The following MRTFA variants were observed in gnomAD, a reference collection of about 807,000 sequenced individuals.
The protein encoded by MRTFA is myocardin related transcription factor A, also known as myocardin-related transcription factor A.
MRTFA carries 20 observed loss-of-function variants against 83.5 expected under a neutral mutation model. The ratio of observed to expected loss-of-function variants is 0.24; its 90% confidence interval spans 0.17 to 0.35. The LOEUF is 0.35. Among genes scored for constraint, MRTFA ranks in the 10% least tolerant of loss-of-function variants. The pLI, the probability that MRTFA is intolerant of heterozygous loss-of-function variation, is 1.00. For missense variants in MRTFA, 1,200 were observed against 1,224.7 expected, an observed-to-expected ratio of 0.98 and a Z score of 0.30; for synonymous variants, 659 against 541.2, an observed-to-expected ratio of 1.22 and a Z score of -3.02.
intron 3 of MRTFA, among the ~76,000 whole-genome samples, chr22:40,541,978 A>C (rs554110772): frequency 6.6e-6 from 1 of 151,194 alleles, no homozygotes; most frequent in South Asian, 2.1e-4. Context: ...GGTGATGGCT[A>C]TATTTTAAGC....
chr22:40,504,491 A>C (rs1602351136), intron 3 of MRTFA, among the ~76,000 whole-genome samples: 1 of 152,226 alleles, frequency 6.6e-6, no homozygotes, highest in South Asian at 2.1e-4. Flanking sequence ...TTCTGTTAGG[A>C]AACAGTACCT....
At chr22:40,454,133 C>A (rs960948715) in intron 4 of MRTFA, among the ~76,000 whole-genome samples, 1 of 152,096 alleles carries the variant, frequency 6.6e-6, no homozygotes, top group African/African-American at 2.4e-5. Flanking sequence ...AGTTCCTATT[C>A]CTTTTGGGTG....
chr22:40,562,864 C>G (rs1463778210), intron 2 of MRTFA, among the ~76,000 whole-genome samples: 1 of 152,066 alleles, frequency 6.6e-6, no homozygotes, highest in Non-Finnish European at 1.5e-5. Context: ...TTCTAGGTAT[C>G]TATAGAGTTC....
chr22:40,418,977 C>T lies in MRTFA; in HGVS notation c.1761G>A (p.Leu587=). 6.2e-7 allele frequency: 1 copy of T among 1,612,850 alleles called. No individual in the cohort carries two copies. The highest frequency in any genetic ancestry group is 8.5e-7 in the Non-Finnish European group (1 of 1,179,934). The change falls in exon 12 of 15, where the codon CTG becomes CTA. Residue 587 remains leucine (L), a synonymous_variant. Coordinates refer to ENST00000355630, the MANE Select transcript of MRTFA (RefSeq NM_020831.6). The stretch of plus-strand genomic sequence containing the variant: ...TCTGCAGTGGCGAGGCCTGCAGGGT[C>T]AGCTGCGTCAGAGGTGATGTCACCA...
At chr22:40,417,225 G>A in intron 13 of MRTFA, 116 bp downstream of exon 13, 6 of 1,461,176 alleles carry the variant, frequency 4.1e-6, no homozygotes, top group Non-Finnish European at 5.6e-6. Flanking sequence ...AGGCCTCTCT[G>A]ACCCTGAAGC....
chr22:40,503,242 C>T (rs1284691326), intron 3 of MRTFA, among the ~76,000 whole-genome samples: 1 of 152,238 alleles, frequency 6.6e-6, no homozygotes, highest in Non-Finnish European at 1.5e-5. Context: ...CATAATGTAT[C>T]ACCATTTACT....
chr22:40,597,161 G>C (rs1158819241), intron 1 of MRTFA, among the ~76,000 whole-genome samples: 1 of 152,154 alleles, frequency 6.6e-6, no homozygotes, highest in Non-Finnish European at 1.5e-5. Flanking sequence ...GCAAGACCTA[G>C]CAGTGCCTGG....
At chr22:40,517,728 GTTATTCA>G (rs2054785353) in intron 3 of MRTFA, among the ~76,000 whole-genome samples, 1 of 152,104 alleles carries the variant, frequency 6.6e-6, no homozygotes, top group African/African-American at 2.4e-5. Flanking sequence ...GTCGTCTTTT[GTTATTCA>G]TAACAGGTCC....
intron 2 of MRTFA, among the ~76,000 whole-genome samples, chr22:40,562,216 CAA>C (rs35542557): frequency 7.2e-4 from 77 of 106,462 alleles, no homozygotes; most frequent in Middle Eastern, 5.2e-3. Flanking sequence ...GACTCCATCT[CAA>C]AAAAAAAAAA....
At chr22:40,457,482 G>GAAAGAAAGAA (rs2053614174) in intron 4 of MRTFA, among the ~76,000 whole-genome samples, 1 of 133,660 alleles carries the variant, frequency 7.5e-6, no homozygotes, top group Admixed American at 7.5e-5. Context: ...AAGAAAGAAA[G>GAAAGAAAGAA]AAAGAAGGAA....
chr22:40,570,452 C>T (rs1306099987), intron 2 of MRTFA, among the ~76,000 whole-genome samples: 1 of 151,642 alleles, frequency 6.6e-6, no homozygotes, highest in African/African-American at 2.4e-5. Flanking sequence ...GTGGCAAGCA[C>T]CTGTAGTCCC....
intron 2 of MRTFA, among the ~76,000 whole-genome samples, chr22:40,580,548 G>A (rs1476451199): frequency 1.3e-5 from 2 of 152,090 alleles, no homozygotes; most frequent in African/African-American, 4.8e-5. Context: ...ACAGAAAAAT[G>A]AAATGATAAA....
rs927962914 is a variant in MRTFA, at chr22:40,636,471, C to G, written c.-84+7G>C. On this transcript the variant is annotated splice_region_variant and intron_variant, in intron 1 of 14. Coordinates refer to ENST00000355630, the MANE Select transcript of MRTFA (RefSeq NM_020831.6). ...GGGAGGGGTCCCCAACCCGGACTCT[C>G]ACTCACCGCCTCGCGCGGCTCCCGG... The G allele has an allele frequency of 1.3e-5, 2 of 152,352 alleles. No individual in the cohort carries two copies. Among genetic ancestry groups the G allele is most frequent in the Non-Finnish European group, 2.9e-5 (2 of 68,150 alleles). The allele number at this position is 152,352 out of a possible 1,614,324, so 9.4% of individuals were successfully genotyped here. A position where few individuals can be genotyped will look rare whatever the true frequency, so the allele number is the denominator to read the frequency against.
In MRTFA at chr22:40,538,683, TTAAAA is replaced by T. The variant is rs762792641; in HGVS notation, c.241+13418_241+13422del. ...GCAACATTCATTGTGAAAACAGACT[TTAAAA>T]TAAATTTCACAATTCTAAAAGTCTG... On this transcript the variant is annotated intron_variant, in intron 3 of 14. Coordinates refer to ENST00000355630, the MANE Select transcript of MRTFA (RefSeq NM_020831.6). Among the ~76,000 whole-genome samples, 10 of 152,296 alleles carry T rather than the reference TTAAAA, an allele frequency of 6.6e-5. No homozygotes were observed. The East Asian group carries it at 7.7e-4, about 12-fold the overall frequency.
At chr22:40,484,905 T>C (rs1184838727) in intron 3 of MRTFA, among the ~76,000 whole-genome samples, 1 of 151,600 alleles carries the variant, frequency 6.6e-6, no homozygotes, top group Non-Finnish European at 1.5e-5. Context: ...ACCCCGTCTC[T>C]ACTAAAAATA....
chr22:40,603,795 A>AGAG (rs2056286962), intron 1 of MRTFA, among the ~76,000 whole-genome samples: 1 of 149,634 alleles, frequency 6.7e-6, no homozygotes, highest in South Asian at 2.1e-4. Flanking sequence ...TTTAATTTAT[A>AGAG]GAGATGAGGT....
At chr22:40,470,229 T>TTTTA (rs1268608305) in intron 3 of MRTFA, among the ~76,000 whole-genome samples, 3 of 58,774 alleles carry the variant, frequency 5.1e-5, no homozygotes, top group African/African-American at 2.5e-4. Context: ...ATCTCCAAAA[T>TTTTA]TTTATATATA....
chr22:40,552,531 T>C (rs935574749), intron 2 of MRTFA, among the ~76,000 whole-genome samples, 164 bp from the exon 3 acceptor site: 1 of 152,152 alleles, frequency 6.6e-6, no homozygotes, highest in African/African-American at 2.4e-5. Flanking sequence ...GTTACCTCCG[T>C]GCTATTCTCA....
chr22:40,512,900 C>T (rs2054690891), intron 3 of MRTFA, among the ~76,000 whole-genome samples: 1 of 152,208 alleles, frequency 6.6e-6, no homozygotes, highest in Non-Finnish European at 1.5e-5. Flanking sequence ...ACTGATCCAT[C>T]TTTATCATGA....
Sources: gnomAD v4.1 joint callset for allele counts (sites outside exome capture counted in the v4.1 genomes callset) on GRCh38, gnomAD v4.1.1 for gene constraint, MANE v1.5 for transcripts, NCBI Gene and HGNC (gene_info 2026-07-23, HGNC 2026-07-21) for gene names.